Variants in STAT5B observed in about 807,000 individuals in gnomAD.
The protein encoded by STAT5B is transcription factor STAT5B.
A neutral mutation model predicts 107.8 loss-of-function variants in STAT5B; 21 were observed. That is an observed-to-expected ratio of 0.19 (90% CI 0.14 to 0.28). The LOEUF (loss-of-function observed/expected upper bound fraction) is 0.28, where lower values mean the gene tolerates loss of function less well. Ranked by LOEUF, STAT5B falls within the 10% of genes least tolerant of loss-of-function variation. The pLI is 1.00. For missense variants in STAT5B, 565 were observed against 1,008.2 expected, an observed-to-expected ratio of 0.56 and a Z score of 5.95; for synonymous variants, 325 against 401.7, an observed-to-expected ratio of 0.81 and a Z score of 2.28.
Position 42,274,301 on chromosome 17 carries a change from A to C in STAT5B, c.-11+1947T>G, listed in dbSNP as rs1030788587. On this transcript the variant is annotated intron_variant, in intron 1 of 18. Transcript: ENST00000293328. ...CTTTACAAAAAAAAAAAAAAAAAAA[A>C]AAAAAACCTCTCCATTCCTTCCCTG... Among the ~76,000 whole-genome samples the C allele has an allele frequency of 4.0e-5, 6 of 151,388 alleles. 1 individual carries two copies. Among genetic ancestry groups the C allele is most frequent in the Non-Finnish European group, 8.8e-5 (6 of 67,808 alleles).
intron 5 of STAT5B, among the ~76,000 whole-genome samples, chr17:42,222,072 G>C (rs965880261): frequency 2.7e-5 from 4 of 147,076 alleles, no homozygotes; most frequent in African/African-American, 1.0e-4. Flanking sequence ...TGTGCTGTGT[G>C]TGGTGTGTGT....
intron 3 of STAT5B, among the ~76,000 whole-genome samples, chr17:42,227,307 G>C (rs2080281772): frequency 6.6e-6 from 1 of 151,152 alleles, no homozygotes; most frequent in Non-Finnish European, 1.5e-5. Context: ...GGTGAATATG[G>C]GCATATGTGG....
intron 12 of STAT5B, among the ~76,000 whole-genome samples, 173 bp from the exon 13 acceptor site, chr17:42,212,363 T>C (rs2080136613): frequency 6.6e-6 from 1 of 152,232 alleles, no homozygotes. Flanking sequence ...TTCAGAAGGT[T>C]CCGTTTCACC....
chr17:42,210,024 T>C, intron 15 of STAT5B, 147 bp downstream of exon 15: 1 of 1,257,332 alleles, frequency 8.0e-7, no homozygotes, highest in Non-Finnish European at 1.1e-6. Context: ...TAGGCTGCCT[T>C]ATTATGAGTA....
chr17:42,204,400 T>A (rs775889032), intron 16 of STAT5B, among the ~76,000 whole-genome samples: 3 of 152,204 alleles, frequency 2.0e-5, no homozygotes, highest in Admixed American at 6.5e-5. Context: ...GCAAGGACGA[T>A]CACACTATGA....
intron 1 of STAT5B, among the ~76,000 whole-genome samples, chr17:42,263,871 G>GCGCGCGCGCACA (rs1007528555): frequency 9.0e-5 from 13 of 145,030 alleles, no homozygotes; most frequent in African/African-American, 3.3e-4. Context: ...TAGAAAGCGC[G>GCGCGCGCGCACA]CACACACACA....
chr17:42,225,017 T>C (rs1263277554), intron 3 of STAT5B, 149 bp from the exon 4 acceptor site: 4 of 772,696 alleles, frequency 5.2e-6, no homozygotes, highest in Non-Finnish European at 9.0e-6. Context: ...AGGCACATCA[T>C]GGAAATCCAA....
chr17:42,228,553 T>G (rs142934296), intron 2 of STAT5B, among the ~76,000 whole-genome samples: 1 of 152,268 alleles, frequency 6.6e-6, no homozygotes, highest in African/African-American at 2.4e-5. Flanking sequence ...CCAAACAAGA[T>G]AGTGGTAGCT....
upstream of STAT5B, among the ~76,000 whole-genome samples, chr17:42,277,837 C>G (rs2080777365): frequency 6.6e-6 from 1 of 151,122 alleles, no homozygotes; most frequent in South Asian, 2.1e-4. Flanking sequence ...CTCACGGCAA[C>G]CTCCACCTCC....
chr17:42,278,492 G>A (rs2080781599), upstream of STAT5B, among the ~76,000 whole-genome samples: 1 of 152,044 alleles, frequency 6.6e-6, no homozygotes, highest in Non-Finnish European at 1.5e-5. Flanking sequence ...GATCACTTGA[G>A]CCTGGGAGGT....
At chr17:42,274,369 A>G (rs1286053844) in intron 1 of STAT5B, among the ~76,000 whole-genome samples, 3 of 151,682 alleles carry the variant, frequency 2.0e-5, no homozygotes, top group African/African-American at 2.4e-5. Context: ...CAGAGGCTAC[A>G]GTAGCAAACA....
At chr17:42,238,943 CTT>C (rs2080379577) in intron 1 of STAT5B, among the ~76,000 whole-genome samples, 1 of 148,452 alleles carries the variant, frequency 6.7e-6, no homozygotes, top group Non-Finnish European at 1.5e-5. Flanking sequence ...ATACTAAACT[CTT>C]AAAAAAAAAA....
chr17:42,245,439 C>A (rs2080443357), intron 1 of STAT5B, among the ~76,000 whole-genome samples: 2 of 151,660 alleles, frequency 1.3e-5, no homozygotes, highest in South Asian at 4.2e-4. Flanking sequence ...GCAACCCCCA[C>A]CTCTCGCGTT....
chr17:42,210,964 G>A (rs2080123608), intron 13 of STAT5B, among the ~76,000 whole-genome samples: 1 of 152,168 alleles, frequency 6.6e-6, no homozygotes, highest in Non-Finnish European at 1.5e-5. Flanking sequence ...ACTTTGGGAG[G>A]CTGAGGTAGG....
intron 3 of STAT5B, among the ~76,000 whole-genome samples, chr17:42,225,120 C>G (rs1029413750): frequency 3.3e-5 from 5 of 152,004 alleles, no homozygotes; most frequent in Admixed American, 2.0e-4. Flanking sequence ...AGTGGCACAA[C>G]CTCGGGCCAC....
chr17:42,239,635 G>A (rs1433464911), intron 1 of STAT5B, among the ~76,000 whole-genome samples: 2 of 152,122 alleles, frequency 1.3e-5, no homozygotes, highest in Admixed American at 6.6e-5. Context: ...TCCCTCAGAC[G>A]TAGGCACTAT....
rs553711664 is a variant in STAT5B at position 42,217,061 on chromosome 17, G to A, written c.1380+99C>T. ...TTTTCAGTTTACCAACAGTCAAAAA[G>A]AAGAAGATGCTATGTGATAAAAAAA... On this transcript the variant is annotated intron_variant, in intron 11 of 18. Coordinates refer to ENST00000293328, the MANE Select transcript of STAT5B (RefSeq NM_012448.4). 1.1e-4 allele frequency: 173 copies of A among 1,539,276 alleles called. 3 individuals carry two copies. The East Asian group carries it at 4.2e-3, about 38-fold the overall frequency.
the STAT5B span, among the ~76,000 whole-genome samples, chr17:42,285,383 C>T: frequency 6.6e-6 from 1 of 152,182 alleles, no homozygotes; most frequent in Non-Finnish European, 1.5e-5. Context: ...TGAGCCACTG[C>T]ACCTAGCCTG....
At position 42,219,985 on chromosome 17, in the gene STAT5B, G is replaced by C. The variant is rs190395596; in HGVS notation, c.551-143C>G. 7.7e-3 allele frequency: 10,883 copies of C among 1,416,636 alleles called. 49 individuals are homozygous for C. The highest frequency in any genetic ancestry group is 0.011 in the Middle Eastern group (61 of 5,520). The allele number at this position is 1,416,636 out of a possible 1,614,324, so 87.8% of individuals were successfully genotyped here. A position where few individuals can be genotyped will look rare whatever the true frequency, so the allele number is the denominator to read the frequency against. On this transcript the variant is annotated intron_variant, in intron 5 of 18. Transcript: ENST00000293328. ...GGCAAGTCGGGGTTCCTGACAGCCA[G>C]GGGGGCCAAGATGAATGGGTGCCCC...
Sources: gnomAD v4.1 joint callset for allele counts (sites outside exome capture counted in the v4.1 genomes callset) on GRCh38, gnomAD v4.1.1 for gene constraint, MANE v1.5 for transcripts, NCBI Gene and HGNC (gene_info 2026-07-23, HGNC 2026-07-21) for gene names.